ASIC2: variants seen among roughly 807,000 people sequenced by gnomAD.
ASIC2 encodes acid sensing ion channel subunit 2.
In ASIC2, 25 loss-of-function variants were observed where a neutral mutation model predicts 57.3. The ratio of observed to expected loss-of-function variants is 0.44; its 90% CI spans 0.32 to 0.61. ASIC2 has a LOEUF of 0.61. ASIC2 is among the 20% of genes least tolerant of loss of function. The pLI is 0.06. For synonymous variants in ASIC2, 319 were observed against 307.5 expected (o/e 1.04, Z -0.39); for missense variants, 641 against 738.1 (o/e 0.87, Z 1.52).
chr17:33,401,995 C>T (rs1186747669), intron 1 of ASIC2, among the ~76,000 whole-genome samples: 2 of 152,122 alleles, frequency 1.3e-5, no homozygotes, highest in East Asian at 3.9e-4. Context: ...ACTCCAATTC[C>T]CTCCATGGCC....
chr17:33,868,202 T>G lies in ASIC2; in HGVS notation c.555+287776A>C, dbSNP rs563824863. 3.7e-3 allele frequency among the ~76,000 whole-genome samples: 556 copies of G among 151,264 alleles called. 7 individuals carry two copies. Among genetic ancestry groups the G allele is most frequent in the African/African-American group, 0.013 (536 of 41,372 alleles). On this transcript the variant is annotated intron_variant, in intron 1 of 9. Transcript: ENST00000359872. ...ATGTATGTGTGTGTGTGTATGTGTG[T>G]GTGTGTGTGTGTGTGTGAAGGAAGA...
intron 1 of ASIC2, among the ~76,000 whole-genome samples, chr17:34,020,785 G>A (rs531629742): frequency 3.2e-4 from 49 of 152,210 alleles, no homozygotes; most frequent in Non-Finnish European, 5.7e-4. Flanking sequence ...AGCCCCGCCC[G>A]CACCGTGATT....
At chr17:33,172,946 C>A (rs1905584027) in intron 1 of ASIC2, among the ~76,000 whole-genome samples, 2 of 151,906 alleles carry the variant, frequency 1.3e-5, no homozygotes, top group Admixed American at 1.3e-4. Context: ...GAGCTAGAAT[C>A]CTGGCTGCTC....
At chr17:33,386,982 A>T (rs1909707576) in intron 1 of ASIC2, among the ~76,000 whole-genome samples, 1 of 151,920 alleles carries the variant, frequency 6.6e-6, no homozygotes, top group Admixed American at 6.6e-5. Flanking sequence ...GTGTTTTGAC[A>T]GAGTTTTGCT....
chr17:33,887,809 C>T (rs565586068), intron 1 of ASIC2, among the ~76,000 whole-genome samples: 24 of 152,250 alleles, frequency 1.6e-4, no homozygotes, highest in African/African-American at 5.8e-4. Context: ...TTAGTGTAGC[C>T]TTTAAAAGAA....
chr17:33,703,882 T>G (rs1216481513), intron 1 of ASIC2, among the ~76,000 whole-genome samples: 1 of 152,198 alleles, frequency 6.6e-6, no homozygotes, highest in Non-Finnish European at 1.5e-5. Flanking sequence ...GCTCTGACCT[T>G]TAGCCCTCAA....
chr17:34,047,506 CAGAAAAAA>C (rs1415929599), intron 1 of ASIC2, among the ~76,000 whole-genome samples: 10 of 68,312 alleles, frequency 1.5e-4, no homozygotes, highest in Non-Finnish European at 6.1e-5. Flanking sequence ...CACCTTTCTC[CAGAAAAAA>C]AAAAAAAAAA....
chr17:33,970,514 C>A (rs768574067), intron 1 of ASIC2, among the ~76,000 whole-genome samples: 2 of 152,202 alleles, frequency 1.3e-5, no homozygotes, highest in Non-Finnish European at 2.9e-5. Flanking sequence ...GCAGCCGTGG[C>A]ATCACAGTTG....
chr17:33,586,497 G>A (rs188848335), intron 1 of ASIC2, among the ~76,000 whole-genome samples: 98 of 152,126 alleles, frequency 6.4e-4, no homozygotes, highest in Admixed American at 1.3e-3. Context: ...TGCTCTTGGC[G>A]TAAAATCCAT....
At chr17:33,895,073 A>T (rs552976248) in intron 1 of ASIC2, among the ~76,000 whole-genome samples, 3 of 152,090 alleles carry the variant, frequency 2.0e-5, no homozygotes, top group Non-Finnish European at 2.9e-5. Flanking sequence ...ATATGTGGCT[A>T]TGAACAAGTC....
chr17:34,037,802 T>C, intron 1 of ASIC2: 1 of 1,614,190 alleles, frequency 6.2e-7, no homozygotes, highest in Non-Finnish European at 8.5e-7. Context: ...CGCCTTTGCT[T>C]CAGGTGTTAC....
chr17:33,348,206 T>A (rs1908029226), intron 1 of ASIC2, among the ~76,000 whole-genome samples: 1 of 152,056 alleles, frequency 6.6e-6, no homozygotes, highest in South Asian at 2.1e-4. Context: ...TCGCTGTGAA[T>A]GATGATAGAA....
chr17:33,795,082 G>T (rs1013024579), intron 1 of ASIC2, among the ~76,000 whole-genome samples: 7 of 152,224 alleles, frequency 4.6e-5, no homozygotes, highest in Non-Finnish European at 7.3e-5. Flanking sequence ...AGCAAAGCTG[G>T]AGATTGTAGG....
chr17:33,030,185 T>A (rs1214538739), intron 3 of ASIC2, among the ~76,000 whole-genome samples: 2 of 152,164 alleles, frequency 1.3e-5, no homozygotes, highest in African/African-American at 4.8e-5. Flanking sequence ...TTAATAAATC[T>A]TTAGAAGTGT....
intron 1 of ASIC2, among the ~76,000 whole-genome samples, chr17:33,821,798 CAT>C (rs1194827752): frequency 2.0e-5 from 3 of 152,190 alleles, no homozygotes; most frequent in African/African-American, 7.2e-5. Flanking sequence ...TAAGTTCACA[CAT>C]ATTCTTTATC....
In ASIC2 at chr17:34,132,399, G is replaced by A. The variant is rs113938350; in HGVS notation, c.555+23579C>T. ...AGACGGGTTGCGGCTGCTGGCTGGGGATGGAGTGCGAGCCGGGTGGAGGCC... is the reference window on the plus strand; with the variant it reads ...AGACGGGTTGCGGCTGCTGGCTGGGAATGGAGTGCGAGCCGGGTGGAGGCC... On this transcript the variant is annotated intron_variant, in intron 1 of 9. Transcript: ENST00000359872. 7.9e-5 allele frequency among the ~76,000 whole-genome samples: 12 copies of A among 152,280 alleles called. 1 individual carries two copies. The highest frequency in any genetic ancestry group is 2.6e-4 in the African/African-American group (11 of 41,542).
chr17:33,868,881 T>C lies in ASIC2; in HGVS notation c.555+287097A>G, dbSNP rs533034230. Among the ~76,000 whole-genome samples the C allele has an allele frequency of 3.9e-5, 6 of 152,272 alleles. No homozygotes were observed. In the South Asian group the frequency reaches 8.3e-4, roughly 21 times the overall value. Reference sequence around the variant, plus strand: ...GAGTTTAAGACCAGCCAGGGAAACATAGTAAGACCTTGTCTCTACTAAAAA... The same window carrying C: ...GAGTTTAAGACCAGCCAGGGAAACACAGTAAGACCTTGTCTCTACTAAAAA... On this transcript the variant is annotated intron_variant, in intron 1 of 9. Coordinates refer to the ASIC2 transcript ENST00000359872.
chr17:33,347,018 G>A (rs188630030), intron 1 of ASIC2, among the ~76,000 whole-genome samples: 1 of 152,320 alleles, frequency 6.6e-6, no homozygotes, highest in African/African-American at 2.4e-5. Context: ...GATGGAGTGT[G>A]TGTGCTTCAT....
chr17:33,441,615 T>C (rs1464356112), intron 1 of ASIC2, among the ~76,000 whole-genome samples: 1 of 152,176 alleles, frequency 6.6e-6, no homozygotes, highest in Admixed American at 6.5e-5. Flanking sequence ...TCCTTCCTTC[T>C]CCTTCTCCCA....
Sources: allele counts gnomAD v4.1 joint callset (sites outside exome capture counted in the v4.1 genomes callset), GRCh38; gene constraint gnomAD v4.1.1; transcripts MANE v1.5; gene names NCBI Gene and HGNC (gene_info 2026-07-23, HGNC 2026-07-21).